Variants in SEC14L5 observed in about 807,000 individuals in gnomAD.
SEC14L5 encodes SEC14-like protein 5.
A neutral mutation model predicts 84.6 loss-of-function variants in SEC14L5; 96 were observed. The observed-to-expected ratio is 1.13, with a 90% CI of 0.96 to 1.34. SEC14L5 has a LOEUF of 1.34. SEC14L5 is among the 40% of genes most tolerant of loss of function. The probability of loss-of-function intolerance (pLI) is 0.00; values close to 1 mark genes in which losing one functional copy is unlikely to be tolerated. For missense variants in SEC14L5, 1,224 were observed against 942.5 expected (o/e 1.30, Z -3.91); for synonymous variants, 546 against 383.4 (o/e 1.42, Z -4.95).
At chr16:4,968,835 G>C (rs12449270) in intron 2 of SEC14L5, among the ~76,000 whole-genome samples, 41,839 of 152,190 alleles carry the variant, frequency 0.27, 5,867 homozygotes, top group Admixed American at 0.34. Context: ...GAAGGGTTAC[G>C]GAGGTAAGGT....
intron 7 of SEC14L5, 76 bp from the exon 8 acceptor site, chr16:4,996,779 C>T: frequency 8.5e-7 from 1 of 1,171,656 alleles, no homozygotes. Flanking sequence ...ACCATGTTGC[C>T]CCGGCTGGTT....
intron 2 of SEC14L5, among the ~76,000 whole-genome samples, chr16:4,966,276 T>C (rs1483119032): frequency 3.0e-5 from 4 of 131,500 alleles, no homozygotes; most frequent in Non-Finnish European, 6.5e-5. Context: ...TCTTTTTTTT[T>C]TTTTTTTTTT....
chr16:4,982,349 A>C, intron 2 of SEC14L5, among the ~76,000 whole-genome samples: 1 of 152,160 alleles, frequency 6.6e-6, no homozygotes, highest in East Asian at 1.9e-4. Flanking sequence ...CGCTAGGAGC[A>C]GACCCCGCTG....
intron 11 of SEC14L5, among the ~76,000 whole-genome samples, chr16:5,005,189 C>A (rs1955716921): frequency 6.6e-6 from 1 of 152,100 alleles, no homozygotes; most frequent in African/African-American, 2.4e-5. Flanking sequence ...GTGGTGGGAG[C>A]CTGTAATCCC....
chr16:4,984,785 T>A (rs1955466215), intron 2 of SEC14L5, among the ~76,000 whole-genome samples: 2 of 152,274 alleles, frequency 1.3e-5, no homozygotes, highest in African/African-American at 4.8e-5. Flanking sequence ...ATTTCCCTAG[T>A]GACTAATGAT....
At chr16:4,999,862 C>T (rs188589089) in intron 8 of SEC14L5, among the ~76,000 whole-genome samples, 224 of 151,090 alleles carry the variant, frequency 1.5e-3, no homozygotes, top group African/African-American at 5.3e-3. Context: ...TTGCAGTGAG[C>T]TGAGATTGCT....
In SEC14L5 at chr16:4,963,376, C is replaced by T. The variant is rs116461474; in HGVS notation, c.63+3990C>T. On this transcript the variant is annotated intron_variant, in intron 2 of 15. Transcript: ENST00000251170. Reference sequence around the variant, plus strand: ...TTTTTTTTTAAGATGGAGTCTCGCTCGCTTTGTCATCTAGGTTGGAGTGCA... The same window carrying T: ...TTTTTTTTTAAGATGGAGTCTCGCTTGCTTTGTCATCTAGGTTGGAGTGCA... 6.1e-3 allele frequency among the ~76,000 whole-genome samples: 927 copies of T among 152,160 alleles called. 6 individuals carry two copies. Among genetic ancestry groups the T allele is most frequent in the African/African-American group, 0.021 (855 of 41,514 alleles).
At chr16:4,978,076 A>T (rs866041781) in intron 2 of SEC14L5, among the ~76,000 whole-genome samples, 10 of 146,312 alleles carry the variant, frequency 6.8e-5, no homozygotes, top group African/African-American at 2.5e-4. Context: ...TGCTGGGAGG[A>T]TAGGTGTGAG....
chr16:4,969,112 T>C (rs1012265010), intron 2 of SEC14L5, among the ~76,000 whole-genome samples: 1 of 152,226 alleles, frequency 6.6e-6, no homozygotes, highest in African/African-American at 2.4e-5. Context: ...AGGCAAGCAA[T>C]GTTTTCTACC....
chr16:5,001,408 G>A (rs998637640), intron 10 of SEC14L5, among the ~76,000 whole-genome samples: 3 of 151,928 alleles, frequency 2.0e-5, no homozygotes, highest in Non-Finnish European at 4.4e-5. Flanking sequence ...ACAGGCACCC[G>A]CCACCACGCC....
At chr16:4,995,957 G>T (rs1955604166) in intron 6 of SEC14L5, among the ~76,000 whole-genome samples, 1 of 152,138 alleles carries the variant, frequency 6.6e-6, no homozygotes, top group South Asian at 2.1e-4. Context: ...GGATAATAGT[G>T]ACGCCTGCCT....
chr16:4,996,958 A>T lies in SEC14L5; in HGVS notation c.884A>T (p.His295Leu). 1.2e-6 allele frequency: 2 copies of T among 1,613,434 alleles called. No individual in the cohort carries two copies. Among genetic ancestry groups the T allele is most frequent in the Non-Finnish European group, 1.7e-6 (2 of 1,179,532 alleles). ...CAGTCCTTGAGCTGGCGCAAGCAGC[A>T]CCAGGTGGATCTCCTCCTTCAGACC... ...LRQSLSWRKQ[H>L]QVDLLLQTWQ... Residue 295 changes from histidine (H) to leucine (L), a missense_variant, in exon 8 of 16, where the codon CAC becomes CTC. Transcript: ENST00000251170.
At chr16:4,988,064 G>A in intron 3 of SEC14L5, 85 bp from the exon 4 acceptor site, 1 of 1,461,832 alleles carries the variant, frequency 6.8e-7, no homozygotes, top group Non-Finnish European at 9.4e-7. Flanking sequence ...GGGGGTGACT[G>A]GGGCAGGCCC....
chr16:4,970,718 C>T (rs1437624664), intron 2 of SEC14L5, among the ~76,000 whole-genome samples: 3 of 152,150 alleles, frequency 2.0e-5, no homozygotes, highest in African/African-American at 7.2e-5. Context: ...CTCCCAGTGC[C>T]GGAGAGGCCA....
intron 2 of SEC14L5, among the ~76,000 whole-genome samples, chr16:4,976,089 A>G (rs550818180): frequency 1.3e-5 from 2 of 152,332 alleles, no homozygotes; most frequent in South Asian, 4.1e-4. Context: ...AATCTCACTC[A>G]TTTTTAAAAT....
chr16:5,012,231 C>T (rs962606774), intron 15 of SEC14L5, among the ~76,000 whole-genome samples: 7 of 152,084 alleles, frequency 4.6e-5, no homozygotes, highest in African/African-American at 7.2e-5. Flanking sequence ...TGTGAGGCGA[C>T]AGGCTGAGGC....
intron 6 of SEC14L5, among the ~76,000 whole-genome samples, chr16:4,995,058 C>T (rs1461235347): frequency 6.6e-6 from 1 of 152,200 alleles, no homozygotes; most frequent in African/African-American, 2.4e-5. Context: ...AACATTCTCC[C>T]ACCTCTGTTT....
In SEC14L5 at chr16:4,990,749, C is replaced by A. The variant is rs767169834; in HGVS notation, c.346-18C>A. 2 of 1,599,484 alleles carry A rather than the reference C, an allele frequency of 1.3e-6. No homozygotes were observed. Among genetic ancestry groups the A allele is most frequent in the Admixed American group, 1.7e-5 (1 of 58,642 alleles). On this transcript the variant is annotated intron_variant, in intron 4 of 15. Coordinates refer to ENST00000251170, the MANE Select transcript of SEC14L5 (RefSeq NM_014692.2). ...CCCCGACATTGAGTCCCTGGCATGA[C>A]CCCTGCCTGGCTTTCAGGTCCACCC...
At chr16:5,012,537 C>G (rs1183945068) in intron 15 of SEC14L5, among the ~76,000 whole-genome samples, 1 of 152,204 alleles carries the variant, frequency 6.6e-6, no homozygotes, top group East Asian at 1.9e-4. Context: ...AGGCTCACAC[C>G]CAAGTATAAC....
Sources: allele counts gnomAD v4.1 joint callset (sites outside exome capture counted in the v4.1 genomes callset), GRCh38; gene constraint gnomAD v4.1.1; transcripts MANE v1.5; gene names NCBI Gene and HGNC (gene_info 2026-07-23, HGNC 2026-07-21).